RAB18: variants seen among roughly 807,000 people sequenced by gnomAD.
RAB18 encodes the protein RAB18, member RAS oncogene family, also known as ras-related protein Rab-18.
A neutral mutation model predicts 28.5 loss-of-function variants in RAB18; 10 were observed. The observed-to-expected ratio is 0.35, with a 90% CI of 0.22 to 0.60. The LOEUF (loss-of-function observed/expected upper bound fraction) is 0.60, where lower values mean the gene tolerates loss of function less well. Ranked by LOEUF, RAB18 falls within the 20% of genes least tolerant of loss-of-function variation. The probability of loss-of-function intolerance (pLI) is 0.78; values close to 1 mark genes in which losing one functional copy is unlikely to be tolerated. For missense variants in RAB18, 188 were observed against 244.2 expected (o/e 0.77, Z 1.53); for synonymous variants, 93 against 86.9 (o/e 1.07, Z -0.39).
intron 2 of RAB18, among the ~76,000 whole-genome samples, chr10:27,512,832 C>G (rs1027435678): frequency 6.6e-6 from 1 of 151,918 alleles, no homozygotes; most frequent in Non-Finnish European, 1.5e-5. Context: ...TGTGGCATGA[C>G]AAATCGTGGG....
At chr10:27,521,804 T>C (rs1834559547) in intron 2 of RAB18, among the ~76,000 whole-genome samples, 1 of 151,006 alleles carries the variant, frequency 6.6e-6, no homozygotes, top group African/African-American at 2.4e-5. Context: ...AAAGAACTTA[T>C]CCATGTAACC....
rs189310759 is a variant in RAB18 at position 27,541,709 on chromosome 10, T to A, written c.*3658T>A. The A allele has an allele frequency of 1.1e-4, 50 of 451,972 alleles. No individual in the cohort carries two copies. Among genetic ancestry groups the A allele is most frequent in the African/African-American group, 1.0e-3 (50 of 49,776 alleles). The allele number at this position is 451,972 out of a possible 1,614,324, so 28.0% of individuals were successfully genotyped here. The stretch of plus-strand genomic sequence containing the variant: ...GTTTTTTTTGTGTTTCTTTGATTAC[T>A]AGTGAGCTTGAGTACTTTTAATATT... On this transcript the variant is annotated 3_prime_UTR_variant, in exon 7 of 7. Coordinates refer to ENST00000356940, the MANE Select transcript of RAB18 (RefSeq NM_021252.5).
At chr10:27,537,277 G>A (rs557272151) in intron 6 of RAB18, among the ~76,000 whole-genome samples, 9 of 152,268 alleles carry the variant, frequency 5.9e-5, no homozygotes, top group Non-Finnish European at 1.0e-4. Flanking sequence ...TATTAGCTGC[G>A]ATAGAGTTTT....
At chr10:27,506,415 G>C (rs1000300515) in intron 1 of RAB18, among the ~76,000 whole-genome samples, 2 of 151,974 alleles carry the variant, frequency 1.3e-5, no homozygotes, top group African/African-American at 4.8e-5. Context: ...TCAATCTCCT[G>C]GGCTCAAGTG....
intron 6 of RAB18, among the ~76,000 whole-genome samples, chr10:27,534,866 G>T (rs983387974): frequency 1.3e-5 from 2 of 152,202 alleles, no homozygotes; most frequent in African/African-American, 4.8e-5. Context: ...AAAGTATTGA[G>T]ATTTTCAGAA....
intron 6 of RAB18, 67 bp downstream of exon 6, chr10:27,534,061 A>G (rs1834844738): frequency 2.1e-6 from 3 of 1,427,566 alleles, no homozygotes; most frequent in Non-Finnish European, 3.0e-6. Flanking sequence ...AGTTTTTGCC[A>G]AGTTTATTTC....
chr10:27,519,148 T>TAA (rs146636226), intron 2 of RAB18, among the ~76,000 whole-genome samples: 1 of 148,496 alleles, frequency 6.7e-6, no homozygotes, highest in Non-Finnish European at 1.5e-5. Flanking sequence ...GGTTTAACAT[T>TAA]AAAAAAAAAA....
chr10:27,524,689 G>A (rs1025436128), intron 2 of RAB18, among the ~76,000 whole-genome samples: 14 of 152,248 alleles, frequency 9.2e-5, no homozygotes, highest in Admixed American at 8.5e-4. Context: ...TGAAGACACA[G>A]TTTAATCAAA....
Position 27,540,549 on chromosome 10 carries a change from A to G in RAB18, c.*2498A>G, listed in dbSNP as rs574756033. 4.6e-5 allele frequency: 21 copies of G among 454,094 alleles called. No individual in the cohort carries two copies. Among genetic ancestry groups the G allele is most frequent in the African/African-American group, 3.8e-4 (19 of 50,118 alleles). The allele number at this position is 454,094 out of a possible 1,614,324, so 28.1% of individuals were successfully genotyped here. On this transcript the variant is annotated 3_prime_UTR_variant, in exon 7 of 7. Coordinates refer to ENST00000356940, the MANE Select transcript of RAB18 (RefSeq NM_021252.5). ...AGAGTAAATCCCATGATGTAAACCT[A>G]CCTCATAAGTCATGTGACATAAAAG...
At chr10:27,529,020 C>G (rs1834735367) in intron 3 of RAB18, among the ~76,000 whole-genome samples, 1 of 151,962 alleles carries the variant, frequency 6.6e-6, no homozygotes, top group African/African-American at 2.4e-5. Flanking sequence ...CGTTAGCATT[C>G]ATCTTTTTCT....
chr10:27,505,810 G>T (rs1411411014), intron 1 of RAB18, among the ~76,000 whole-genome samples: 1 of 152,034 alleles, frequency 6.6e-6, no homozygotes. Flanking sequence ...CGCCCACCTC[G>T]GCCTCCCAAA....
chr10:27,526,382 A>G lies in RAB18; in HGVS notation c.125-446A>G, dbSNP rs1261080581. ...TTTACCGGTTCCCCAAGCTGCTTAC[A>G]GTCAAGATCTGAGTTAGTGGTTGGC... On this transcript the variant is annotated intron_variant, in intron 2 of 6. Transcript: ENST00000356940. Among the ~76,000 whole-genome samples the G allele has an allele frequency of 2.6e-5, 4 of 152,328 alleles. No homozygotes were observed. The East Asian group carries it at 7.7e-4, about 29-fold the overall frequency.
intron 2 of RAB18, among the ~76,000 whole-genome samples, chr10:27,517,065 A>G (rs890865190): frequency 2.0e-5 from 3 of 152,150 alleles, no homozygotes; most frequent in Admixed American, 6.5e-5. Context: ...AAAACACAAG[A>G]AAAGAATTCA....
intron 6 of RAB18, among the ~76,000 whole-genome samples, chr10:27,535,227 T>C (rs1834869209): frequency 6.6e-6 from 1 of 152,144 alleles, no homozygotes; most frequent in Non-Finnish European, 1.5e-5. Flanking sequence ...AACACAAATT[T>C]GTAAACTTCC....
chr10:27,511,886 A>G (rs1178649310), intron 2 of RAB18, among the ~76,000 whole-genome samples: 2 of 152,214 alleles, frequency 1.3e-5, no homozygotes, highest in African/African-American at 2.4e-5. Context: ...TGGTTATCAA[A>G]TGGGGATTTT....
intron 2 of RAB18, among the ~76,000 whole-genome samples, chr10:27,515,144 T>G (rs2138984380): frequency 6.6e-6 from 1 of 152,270 alleles, no homozygotes; most frequent in African/African-American, 2.4e-5. Context: ...TAGTATTAGG[T>G]TTCTTTTTCT....
Position 27,537,911 on chromosome 10 carries a change from G to A in RAB18, c.481G>A (p.Ala161Thr). The A allele has an allele frequency of 3.1e-6, 5 of 1,614,058 alleles. No homozygotes were observed. The highest frequency in any genetic ancestry group is 4.2e-6 in the Non-Finnish European group (5 of 1,179,996). ...SAKTCDGVQC[A>T]FEELVEKIIQ... ...AAAAACCTGTGATGGTGTACAATGT[G>A]CCTTTGAAGAACTTGTTGAAAAGAT... The change falls in exon 7 of 7, where the codon GCC (alanine) becomes ACC (threonine). Residue 161 changes from alanine (A) to threonine (T), a missense_variant. Transcript: ENST00000356940.
chr10:27,522,743 CT>C (rs1219236229), intron 2 of RAB18, among the ~76,000 whole-genome samples: 1 of 151,924 alleles, frequency 6.6e-6, no homozygotes, highest in Non-Finnish European at 1.5e-5. Context: ...ATTCTGGTAG[CT>C]TTTAATCTTT....
intron 6 of RAB18, among the ~76,000 whole-genome samples, chr10:27,534,525 G>A (rs983763806): frequency 2.6e-5 from 4 of 152,230 alleles, no homozygotes; most frequent in African/African-American, 9.6e-5. Context: ...GTTGTCTGTA[G>A]CTGCTTTTGT....
Sources: gnomAD v4.1 joint callset for allele counts (sites outside exome capture counted in the v4.1 genomes callset) on GRCh38, gnomAD v4.1.1 for gene constraint, MANE v1.5 for transcripts, NCBI Gene and HGNC (gene_info 2026-07-23, HGNC 2026-07-21) for gene names.